Variants in PARVA observed in about 807,000 individuals in gnomAD.
PARVA encodes parvin alpha, also known as alpha-parvin.
Under a neutral mutation model 52.6 loss-of-function variants are expected in PARVA, and 25 were observed. The ratio of observed to expected loss-of-function variants is 0.48; its 90% CI spans 0.35 to 0.66. The LOEUF (loss-of-function observed/expected upper bound fraction) is 0.66, where lower values mean the gene tolerates loss of function less well. PARVA is among the 30% of genes least tolerant of loss of function. The pLI is 0.01. For missense variants in PARVA, 373 were observed against 450.9 expected, an observed-to-expected ratio of 0.83 and a Z score of 1.56; for synonymous variants, 185 against 179.1, an observed-to-expected ratio of 1.03 and a Z score of -0.26.
chr11:12,475,164 C>G (rs1024654764), intron 3 of PARVA, among the ~76,000 whole-genome samples: 1 of 152,206 alleles, frequency 6.6e-6, no homozygotes, highest in Non-Finnish European at 1.5e-5. Flanking sequence ...GCCAGAACTG[C>G]TGCTCCCAGC....
chr11:12,424,794 T>G (rs985708127), intron 1 of PARVA, among the ~76,000 whole-genome samples: 1 of 152,236 alleles, frequency 6.6e-6, no homozygotes, highest in South Asian at 2.1e-4. Flanking sequence ...TGAATGTTAT[T>G]GATGGCCTCA....
chr11:12,477,997 T>TCCAACCACCTGCAA, intron 4 of PARVA, 48 bp downstream of exon 4: 6 of 981,470 alleles, frequency 6.1e-6, no homozygotes, highest in Non-Finnish European at 8.3e-6. Context: ...TTGCAGGTGG[T>TCCAACCACCTGCAA]TGGATCACCT....
intron 5 of PARVA, among the ~76,000 whole-genome samples, chr11:12,502,785 A>T (rs889706799): frequency 6.7e-6 from 1 of 149,882 alleles, no homozygotes; most frequent in Non-Finnish European, 1.5e-5. Flanking sequence ...AAGACTATCC[A>T]CTCTAGTGTA....
chr11:12,487,770 T>A (rs1458676602), intron 4 of PARVA, among the ~76,000 whole-genome samples: 5 of 152,244 alleles, frequency 3.3e-5, no homozygotes, highest in African/African-American at 1.2e-4. Flanking sequence ...CTCTCTAAAA[T>A]GTCTTACTAC....
intron 12 of PARVA, 106 bp downstream of exon 12, chr11:12,518,623 G>T: frequency 2.4e-6 from 2 of 829,034 alleles, no homozygotes; most frequent in Non-Finnish European, 4.1e-6. Flanking sequence ...AGCCTTCGTT[G>T]CTGGGGAAGG....
At chr11:12,440,512 A>G (rs1004473221) in intron 1 of PARVA, among the ~76,000 whole-genome samples, 1 of 152,218 alleles carries the variant, frequency 6.6e-6, no homozygotes, top group Non-Finnish European at 1.5e-5. Context: ...AAAACAATCC[A>G]TGTATTATAT....
At chr11:12,377,489 G>T, upstream of PARVA, 1 of 1,412,196 alleles carries the variant, frequency 7.1e-7, no homozygotes, top group Non-Finnish European at 9.3e-7. Flanking sequence ...AGCGAGGGAG[G>T]GAGCGAGGGA....
rs1431406398 is a variant in PARVA at position 12,528,915 on chromosome 11, T to C, written c.*990T>C. ...CACATTTTGCAGCCTTTTTGCTTGA[T>C]TGCATGTAATGGAAATGCCCTATAT... On this transcript the variant is annotated 3_prime_UTR_variant, in exon 13 of 13. Transcript: ENST00000334956. The C allele has an allele frequency of 6.6e-6, 1 of 152,654 alleles. No individual in the cohort carries two copies. Among genetic ancestry groups the C allele is most frequent in the Non-Finnish European group, 1.5e-5 (1 of 68,040 alleles). The allele number at this position is 152,654 out of a possible 1,614,324, so 9.5% of individuals were successfully genotyped here.
chr11:12,531,334 T>A lies in PARVA; in HGVS notation c.*3409T>A, dbSNP rs1301195428. Among the ~76,000 whole-genome samples, 10 of 152,200 alleles carry A rather than the reference T, an allele frequency of 6.6e-5. No homozygotes were observed. The highest frequency in any genetic ancestry group is 1.2e-4 in the Non-Finnish European group (8 of 68,042). Reference sequence around the variant, plus strand: ...TATGAATTACTGTTAGCTTGCATTATCATCAGTTTGTTTTGTTGTGGGTTG... The same window carrying A: ...TATGAATTACTGTTAGCTTGCATTAACATCAGTTTGTTTTGTTGTGGGTTG... On this transcript the variant is annotated 3_prime_UTR_variant, in exon 13 of 13. Coordinates refer to ENST00000334956, the MANE Select transcript of PARVA (RefSeq NM_018222.5).
chr11:12,429,676 C>T lies in PARVA; in HGVS notation c.137-44069C>T, dbSNP rs560963362. Among the ~76,000 whole-genome samples, 3 of 152,302 alleles carry T rather than the reference C, an allele frequency of 2.0e-5. No individual in the cohort carries two copies. The East Asian group carries it at 5.8e-4, about 29-fold the overall frequency. On this transcript the variant is annotated intron_variant, in intron 1 of 12. Coordinates refer to ENST00000334956, the MANE Select transcript of PARVA (RefSeq NM_018222.5). The stretch of plus-strand genomic sequence containing the variant: ...ATAAATTTATTGTCATTAAATCTGA[C>T]ATGTGATCACTAAACTATTTTTCAT...
intron 1 of PARVA, among the ~76,000 whole-genome samples, chr11:12,397,841 A>G (rs552031062): frequency 5.4e-4 from 80 of 148,548 alleles, no homozygotes; most frequent in African/African-American, 1.8e-3. Context: ...TTTTTCTTCA[A>G]CTTTGAGGAT....
chr11:12,527,975 C>A lies in PARVA; in HGVS notation c.*50C>A. 1 of 1,316,540 alleles carries A rather than the reference C, an allele frequency of 7.6e-7. No homozygotes were observed. Among genetic ancestry groups the A allele is most frequent in the Non-Finnish European group, 1.1e-6 (1 of 909,666 alleles). The allele number at this position is 1,316,540 out of a possible 1,614,324, so 81.6% of individuals were successfully genotyped here. On this transcript the variant is annotated 3_prime_UTR_variant, in exon 13 of 13. Coordinates refer to ENST00000334956, the MANE Select transcript of PARVA (RefSeq NM_018222.5). ...CCCAAGAGTTCTTGCTGTTGGCGTA[C>A]TGGACCCTCCTCCGAACTGCCTTAC... is the stretch of plus-strand genomic sequence containing the variant.
intron 6 of PARVA, among the ~76,000 whole-genome samples, chr11:12,505,417 G>A (rs1478173447): frequency 2.6e-5 from 4 of 152,202 alleles, no homozygotes; most frequent in African/African-American, 9.6e-5. Context: ...CTGTCAACAG[G>A]AGGAGACAAG....
chr11:12,467,980 C>A (rs1192692560), intron 1 of PARVA, among the ~76,000 whole-genome samples: 2 of 152,226 alleles, frequency 1.3e-5, no homozygotes, highest in Admixed American at 1.3e-4. Context: ...TCCCTCAACA[C>A]CTGCCCTGTT....
At chr11:12,490,698 C>A (rs997640819) in intron 4 of PARVA, among the ~76,000 whole-genome samples, 1 of 152,100 alleles carries the variant, frequency 6.6e-6, no homozygotes, top group African/African-American at 2.4e-5. Context: ...GTGGGTAGAT[C>A]AAAGCCATAA....
At chr11:12,460,237 T>C (rs1378340642) in intron 1 of PARVA, among the ~76,000 whole-genome samples, 1 of 152,120 alleles carries the variant, frequency 6.6e-6, no homozygotes, top group Non-Finnish European at 1.5e-5. Context: ...GGACAACATA[T>C]AGCATAGTGT....
At chr11:12,487,970 C>G (rs932463548) in intron 4 of PARVA, among the ~76,000 whole-genome samples, 1 of 152,136 alleles carries the variant, frequency 6.6e-6, no homozygotes, top group Non-Finnish European at 1.5e-5. Flanking sequence ...TGTATATTAT[C>G]AGTCTTATTG....
At chr11:12,496,814 C>T (rs941536272) in intron 5 of PARVA, among the ~76,000 whole-genome samples, 5 of 152,206 alleles carry the variant, frequency 3.3e-5, no homozygotes, top group African/African-American at 1.2e-4. Context: ...TCACGTTCCT[C>T]TTCTGTAAAA....
intron 4 of PARVA, among the ~76,000 whole-genome samples, chr11:12,485,619 A>G (rs1215954671): frequency 6.6e-6 from 1 of 152,226 alleles, no homozygotes; most frequent in Non-Finnish European, 1.5e-5. Flanking sequence ...TTAAATTGAT[A>G]CTGATATAAA....
Sources: allele counts gnomAD v4.1 joint callset (sites outside exome capture counted in the v4.1 genomes callset), GRCh38; gene constraint gnomAD v4.1.1; transcripts MANE v1.5; gene names NCBI Gene and HGNC (gene_info 2026-07-23, HGNC 2026-07-21).